The following HS3ST4 variants were observed in gnomAD, a reference collection of about 807,000 sequenced individuals.
The protein encoded by HS3ST4 is heparan sulfate glucosamine 3-O-sulfotransferase 4.
Under a neutral mutation model 29.2 loss-of-function variants are expected in HS3ST4, and 17 were observed. The observed-to-expected ratio is 0.58, with a 90% CI of 0.40 to 0.87. The LOEUF (loss-of-function observed/expected upper bound fraction) is 0.87. Among genes scored for constraint, HS3ST4 ranks in the 40% least tolerant of loss-of-function variants. HS3ST4 has a pLI of 0.00. For missense variants in HS3ST4, 627 were observed against 634.5 expected (o/e 0.99, Z 0.13); for synonymous variants, 314 against 285.7 (o/e 1.10, Z -1.00).
At chr16:25,882,659 C>G (rs1967905884) in intron 1 of HS3ST4, among the ~76,000 whole-genome samples, 1 of 152,124 alleles carries the variant, frequency 6.6e-6, no homozygotes, top group Non-Finnish European at 1.5e-5. Context: ...AGCCACTGTT[C>G]CATCTTGAGG....
chr16:26,018,563 A>G (rs1030990323), intron 1 of HS3ST4, among the ~76,000 whole-genome samples: 15 of 152,170 alleles, frequency 9.9e-5, no homozygotes. Flanking sequence ...TGTTTTACAC[A>G]TGAGAAAACT....
At chr16:25,776,125 T>C (rs1966847351) in intron 1 of HS3ST4, among the ~76,000 whole-genome samples, 1 of 152,148 alleles carries the variant, frequency 6.6e-6, no homozygotes, top group South Asian at 2.1e-4. Context: ...TCCTGTACCT[T>C]GATTTGGCTC....
At chr16:25,697,976 G>C (rs983541609) in intron 1 of HS3ST4, among the ~76,000 whole-genome samples, 5 of 151,970 alleles carry the variant, frequency 3.3e-5, no homozygotes, top group African/African-American at 1.2e-4. Flanking sequence ...CGGCCCAGGA[G>C]TCCACATTTC....
At chr16:26,046,559 G>A (rs1293209026) in intron 1 of HS3ST4, among the ~76,000 whole-genome samples, 1 of 152,044 alleles carries the variant, frequency 6.6e-6, no homozygotes, top group African/African-American at 2.4e-5. Flanking sequence ...ACTTCTGATT[G>A]CTGTTAGAAC....
chr16:25,772,394 G>T (rs1007991742), intron 1 of HS3ST4, among the ~76,000 whole-genome samples: 3 of 152,150 alleles, frequency 2.0e-5, no homozygotes, highest in Non-Finnish European at 4.4e-5. Context: ...ACTATATTTG[G>T]TTAGGATTCT....
intron 1 of HS3ST4, among the ~76,000 whole-genome samples, chr16:26,051,912 C>T (rs192332862): frequency 7.4e-4 from 80 of 108,154 alleles, no homozygotes; most frequent in Middle Eastern, 5.7e-3. Context: ...CTCCCTCCCT[C>T]CCTTCCTTCC....
chr16:25,984,583 T>A (rs1249907667), intron 1 of HS3ST4, among the ~76,000 whole-genome samples: 1 of 152,168 alleles, frequency 6.6e-6, no homozygotes, highest in African/African-American at 2.4e-5. Context: ...TGCCCTTCCA[T>A]CCTCTAATAT....
At chr16:25,733,296 T>G (rs1966584445) in intron 1 of HS3ST4, among the ~76,000 whole-genome samples, 1 of 152,218 alleles carries the variant, frequency 6.6e-6, no homozygotes, top group African/African-American at 2.4e-5. Context: ...GCTAACTGGA[T>G]TTGTTAGTCT....
At chr16:25,769,217 G>A (rs1251949286) in intron 1 of HS3ST4, among the ~76,000 whole-genome samples, 1 of 152,094 alleles carries the variant, frequency 6.6e-6, no homozygotes, top group Non-Finnish European at 1.5e-5. Flanking sequence ...GGGGTGGAAG[G>A]TGAAGGTCTC....
At chr16:25,733,303 G>C (rs1348623987) in intron 1 of HS3ST4, among the ~76,000 whole-genome samples, 1 of 152,136 alleles carries the variant, frequency 6.6e-6, no homozygotes, top group Non-Finnish European at 1.5e-5. Flanking sequence ...GGATTTGTTA[G>C]TCTCCACTTG....
chr16:25,728,138 A>C (rs537887914), intron 1 of HS3ST4, among the ~76,000 whole-genome samples: 70 of 152,072 alleles, frequency 4.6e-4, no homozygotes, highest in Non-Finnish European at 8.5e-4. Context: ...AGTAGCTGGG[A>C]TTACAGGCAC....
chr16:25,863,004 A>G (rs1459215364), intron 1 of HS3ST4, among the ~76,000 whole-genome samples: 5 of 152,062 alleles, frequency 3.3e-5, no homozygotes, highest in South Asian at 2.1e-4. Flanking sequence ...TTTGATTTGC[A>G]TTTCCCTCAT....
rs1967281839 is a variant in HS3ST4 at position 25,830,359 on chromosome 16, A to C, written c.734+137208A>C. Among the ~76,000 whole-genome samples, 2 of 152,114 alleles carry C rather than the reference A, an allele frequency of 1.3e-5. 1 individual carries two copies. The highest frequency in any genetic ancestry group is 4.8e-5 in the African/African-American group (2 of 41,428). ...TGGCTTTTGTAAATTTTATCACCCC[A>C]ATGGAGATTTCTTGTTTGAAGAATC... On this transcript the variant is annotated intron_variant, in intron 1 of 1. Coordinates refer to ENST00000331351, the MANE Select transcript of HS3ST4 (RefSeq NM_006040.3).
At chr16:26,104,390 G>A (rs1036630626) in intron 1 of HS3ST4, among the ~76,000 whole-genome samples, 11 of 152,146 alleles carry the variant, frequency 7.2e-5, no homozygotes, top group Admixed American at 2.0e-4. Context: ...ATAGGCCAGG[G>A]AGTTGGAGTT....
intron 1 of HS3ST4, among the ~76,000 whole-genome samples, chr16:25,951,859 C>T (rs1968686088): frequency 6.6e-6 from 1 of 152,108 alleles, no homozygotes. Flanking sequence ...TGACTTTGTA[C>T]AGCCCACGAG....
At chr16:25,975,652 G>T (rs1025673321) in intron 1 of HS3ST4, among the ~76,000 whole-genome samples, 7 of 152,048 alleles carry the variant, frequency 4.6e-5, no homozygotes, top group African/African-American at 1.7e-4. Context: ...CTAGAATATT[G>T]CAGTTGCCTC....
chr16:26,016,444 A>T (rs946656319), intron 1 of HS3ST4, among the ~76,000 whole-genome samples: 1 of 152,244 alleles, frequency 6.6e-6, no homozygotes, highest in African/African-American at 2.4e-5. Flanking sequence ...CTGTCTGATT[A>T]TACCAAGGAG....
At chr16:25,696,305 G>A (rs1966296095) in intron 1 of HS3ST4, among the ~76,000 whole-genome samples, 1 of 152,208 alleles carries the variant, frequency 6.6e-6, no homozygotes, top group Admixed American at 6.5e-5. Flanking sequence ...TCTAGGCAGA[G>A]ACTTTAAACT....
intron 1 of HS3ST4, among the ~76,000 whole-genome samples, chr16:25,768,407 T>C (rs1409491670): frequency 6.6e-6 from 1 of 152,162 alleles, no homozygotes; most frequent in African/African-American, 2.4e-5. Context: ...CCCCTTCCTT[T>C]CCCTCTCTCT....
Sources: allele counts gnomAD v4.1 joint callset (sites outside exome capture counted in the v4.1 genomes callset), GRCh38; gene constraint gnomAD v4.1.1; transcripts MANE v1.5; gene names NCBI Gene and HGNC (gene_info 2026-07-23, HGNC 2026-07-21).